PCDH9: variants seen among roughly 807,000 people sequenced by gnomAD.
PCDH9 encodes protocadherin 9, also known as protocadherin-9.
In PCDH9, 24 loss-of-function variants were observed where a neutral mutation model predicts 70.6. That is an observed-to-expected ratio of 0.34 (90% CI 0.25 to 0.48). PCDH9 has a LOEUF of 0.48. Ranked by LOEUF, PCDH9 falls within the 20% of genes least tolerant of loss-of-function variation. The pLI is 0.99. For synonymous variants in PCDH9, 562 were observed against 558.5 expected, an observed-to-expected ratio of 1.01 and a Z score of -0.09; for missense variants, 1,281 against 1,503.6, an observed-to-expected ratio of 0.85 and a Z score of 2.45.
At chr13:66,817,456 A>G (rs1264821464) in intron 3 of PCDH9, among the ~76,000 whole-genome samples, 1 of 152,086 alleles carries the variant, frequency 6.6e-6, no homozygotes, top group Non-Finnish European at 1.5e-5. Context: ...GTCTTACAAT[A>G]CTCATAGATA....
intron 2 of PCDH9, among the ~76,000 whole-genome samples, chr13:66,916,942 T>C (rs2082567602): frequency 6.6e-6 from 1 of 151,536 alleles, no homozygotes; most frequent in Non-Finnish European, 1.5e-5. Flanking sequence ...TACAAACTTT[T>C]AAACAAGCAA....
intron 4 of PCDH9, among the ~76,000 whole-genome samples, chr13:66,391,126 T>A (rs1053142625): frequency 6.6e-6 from 1 of 152,192 alleles, no homozygotes; most frequent in Non-Finnish European, 1.5e-5. Flanking sequence ...CTGTTACTGA[T>A]TAATTCTTTT....
At chr13:67,214,131 T>C (rs1333758622) in intron 2 of PCDH9, 1 of 152,228 alleles carries the variant, frequency 6.6e-6, no homozygotes, top group Non-Finnish European at 1.5e-5. Context: ...TATGTTATTA[T>C]GTCACTCACA....
intron 4 of PCDH9, among the ~76,000 whole-genome samples, chr13:66,379,642 A>G (rs905834523): frequency 1.3e-5 from 2 of 152,218 alleles, no homozygotes; most frequent in African/African-American, 4.8e-5. Context: ...CCAAAGAGGC[A>G]GGGTATCTAT....
chr13:66,338,761 A>G (rs971431989), intron 4 of PCDH9, among the ~76,000 whole-genome samples: 2 of 152,012 alleles, frequency 1.3e-5, no homozygotes, highest in African/African-American at 4.8e-5. Flanking sequence ...GACTTGTTCA[A>G]TTCTAATTTA....
At position 67,230,100 on chromosome 13, in the gene PCDH9, A is replaced by C. The variant is rs3812860; in HGVS notation, c.-456T>G. 68,082 of 152,138 alleles carry C rather than the reference A, an allele frequency of 0.45. 16,820 individuals carry two copies. Among genetic ancestry groups the C allele is most frequent in the Middle Eastern group, 0.58 (172 of 296 alleles). The allele number at this position is 152,138 out of a possible 1,614,324, so 9.4% of individuals were successfully genotyped here. The stretch of plus-strand genomic sequence containing the variant: ...GGATATTTTCCACAGCAGCATGCAT[A>C]CCATTTCCATCCGATGCCAATACTG... On this transcript the variant is annotated 5_prime_UTR_variant, in exon 1 of 5. Transcript: ENST00000377865.
chr13:66,355,590 G>A (rs1175420884), intron 4 of PCDH9, among the ~76,000 whole-genome samples: 1 of 152,094 alleles, frequency 6.6e-6, no homozygotes. Flanking sequence ...GAGCACATGT[G>A]TTAGATCAGC....
intron 4 of PCDH9, among the ~76,000 whole-genome samples, chr13:66,494,962 G>A (rs555500680): frequency 5.0e-4 from 76 of 152,104 alleles, no homozygotes; most frequent in African/African-American, 1.8e-3. Context: ...TTTATTAAGT[G>A]TGATTATGTC....
At chr13:66,732,883 C>A (rs2079096227) in intron 3 of PCDH9, among the ~76,000 whole-genome samples, 1 of 151,926 alleles carries the variant, frequency 6.6e-6, no homozygotes, top group African/African-American at 2.4e-5. Flanking sequence ...TGATATTTTA[C>A]CTACTTAGTT....
At chr13:66,880,394 G>C (rs1594199187) in intron 3 of PCDH9, among the ~76,000 whole-genome samples, 2 of 152,132 alleles carry the variant, frequency 1.3e-5, no homozygotes, top group East Asian at 3.8e-4. Context: ...ATTGATGAGG[G>C]ATGAGACAAG....
intron 2 of PCDH9, among the ~76,000 whole-genome samples, chr13:67,007,108 AT>A (rs35513837): frequency 0.3 from 45,269 of 150,900 alleles, 7,195 homozygotes; most frequent in Admixed American, 0.37. Flanking sequence ...CTTATTCTGA[AT>A]TTTTTTTTTC....
At chr13:66,960,879 G>A (rs1398252606) in intron 2 of PCDH9, among the ~76,000 whole-genome samples, 3 of 151,958 alleles carry the variant, frequency 2.0e-5, no homozygotes, top group Non-Finnish European at 4.4e-5. Context: ...CTTGAGTTTT[G>A]TTTCTATTGA....
chr13:66,380,768 C>A (rs548374992), intron 4 of PCDH9, among the ~76,000 whole-genome samples: 1 of 152,188 alleles, frequency 6.6e-6, no homozygotes, highest in African/African-American at 2.4e-5. Context: ...TGGTCTCGAT[C>A]TCCTGACCTC....
chr13:66,620,703 T>A (rs575071637), intron 4 of PCDH9, among the ~76,000 whole-genome samples: 1 of 152,184 alleles, frequency 6.6e-6, no homozygotes, highest in Non-Finnish European at 1.5e-5. Flanking sequence ...TCCTTTTTTT[T>A]TTGTCTTTTT....
At chr13:66,735,432 C>A (rs746109195) in intron 3 of PCDH9, among the ~76,000 whole-genome samples, 1 of 152,048 alleles carries the variant, frequency 6.6e-6, no homozygotes, top group Admixed American at 6.5e-5. Flanking sequence ...ATATCACATA[C>A]ATTTACACAG....
chr13:66,354,178 T>G (rs111261931), intron 4 of PCDH9, among the ~76,000 whole-genome samples: 1 of 151,964 alleles, frequency 6.6e-6, no homozygotes, highest in Non-Finnish European at 1.5e-5. Context: ...CAAAGAGGAG[T>G]TGGAAACAAT....
rs1365692497 is a variant in PCDH9 at position 67,228,211 on chromosome 13, T to G, written c.230A>C (p.Lys77Thr). 1.2e-6 allele frequency: 2 copies of G among 1,612,330 alleles called. No homozygotes were observed. Among genetic ancestry groups the G allele is most frequent in the Non-Finnish European group, 1.7e-6 (2 of 1,179,348 alleles). The stretch of plus-strand genomic sequence containing the variant: ...AATTTCCCCAGTGCTGCTGGAAACT[T>G]TCACCAAAGGGGCATCCCCAGCTTT... ...VSKAGDAPLV[K>T]VSSSTGEIFT... Residue 77 changes from lysine to threonine, a missense_variant, in exon 2 of 5, where the codon AAA becomes ACA. Physicochemically the swap from Lys to Thr is moderately conservative, Grantham distance 78 (BLOSUM62 -1). This residue lies in a region of PCDH9 where 798 missense variants were observed against 1,003.1 expected (regional missense o/e 0.80). Coordinates refer to ENST00000377865, the MANE Select transcript of PCDH9 (RefSeq NM_203487.3).
chr13:66,997,078 A>C (rs1381097131), intron 2 of PCDH9, among the ~76,000 whole-genome samples: 1 of 152,196 alleles, frequency 6.6e-6, no homozygotes, highest in African/African-American at 2.4e-5. Context: ...TTGGAACTTG[A>C]AAACTGGGCT....
At chr13:66,554,059 C>T (rs1023373268) in intron 4 of PCDH9, among the ~76,000 whole-genome samples, 3 of 152,078 alleles carry the variant, frequency 2.0e-5, no homozygotes, top group Admixed American at 6.5e-5. Flanking sequence ...TAGGACATTT[C>T]AAACAAAGAA....
Sources: gnomAD v4.1 joint callset for allele counts (sites outside exome capture counted in the v4.1 genomes callset) on GRCh38, gnomAD v4.1.1 for gene constraint, gnomAD v4.1.1 regional missense constraint, MANE v1.5 for transcripts, NCBI Gene and HGNC (gene_info 2026-07-23, HGNC 2026-07-21) for gene names.